Variants in PCDHA5 observed in about 807,000 individuals in gnomAD.
PCDHA5 encodes protocadherin alpha 5.
PCDHA5 carries 43 observed loss-of-function variants against 61.6 expected under a neutral mutation model. The observed-to-expected ratio is 0.70, with a 90% CI of 0.55 to 0.90. PCDHA5 has a LOEUF of 0.90. Ranked by LOEUF, PCDHA5 falls within the 40% of genes least tolerant of loss-of-function variation. The pLI is 0.00. For synonymous variants in PCDHA5, 627 were observed against 543.9 expected, an observed-to-expected ratio of 1.15 and a Z score of -2.13; for missense variants, 1,298 against 1,222.7, an observed-to-expected ratio of 1.06 and a Z score of -0.92.
chr5:140,916,242 T>A (rs1554197354), intron 1 of PCDHA5, among the ~76,000 whole-genome samples: 1 of 152,208 alleles, frequency 6.6e-6, no homozygotes, highest in Non-Finnish European at 1.5e-5. Flanking sequence ...AGCCAAAGCC[T>A]GGACTTGGGG....
intron 1 of PCDHA5, chr5:140,843,167 A>G: frequency 6.3e-7 from 1 of 1,596,098 alleles, no homozygotes; most frequent in Non-Finnish European, 8.6e-7. Context: ...GCCAGCTGCA[A>G]GCAGCCCTCG....
chr5:140,890,594 T>A (rs1439050160), intron 1 of PCDHA5, among the ~76,000 whole-genome samples: 1 of 152,150 alleles, frequency 6.6e-6, no homozygotes, highest in East Asian at 1.9e-4. Context: ...GAAGCCCTTT[T>A]CCGAATAGCT....
intron 1 of PCDHA5, chr5:140,871,636 T>G (rs1311531075): frequency 1.5e-6 from 2 of 1,364,670 alleles, no homozygotes; most frequent in African/African-American, 2.9e-5. Flanking sequence ...TGTCTGTTCA[T>G]AAAATACCAA....
chr5:140,870,132 C>G (rs371110623), intron 1 of PCDHA5: 2 of 1,613,970 alleles, frequency 1.2e-6, no homozygotes, highest in East Asian at 2.2e-5. Flanking sequence ...TGGACACCAA[C>G]GATAACTCTC....
At chr5:140,870,614 C>A (rs782305059) in intron 1 of PCDHA5, 1 of 1,613,212 alleles carries the variant, frequency 6.2e-7, no homozygotes, top group South Asian at 1.1e-5. Flanking sequence ...CGCGCGCTGT[C>A]GAGCTACGTG....
chr5:140,929,646 A>G (rs868995130), intron 1 of PCDHA5: 1 of 365,824 alleles, frequency 2.7e-6, no homozygotes, highest in Non-Finnish European at 5.0e-6. Flanking sequence ...TGTGTAAGGC[A>G]CTCTAATATT....
Position 141,009,631 on chromosome 5 carries a change from A to G in PCDHA5, c.2505A>G (p.Pro835=). 6.2e-7 allele frequency: 1 copy of G among 1,613,068 alleles called. No individual in the cohort carries two copies. The highest frequency in any genetic ancestry group is 8.5e-7 in the Non-Finnish European group (1 of 1,179,354). The change falls in exon 4 of 4, where the codon CCA becomes CCG. Residue 835 remains proline (P), a synonymous_variant. Transcript: ENST00000529859. ...WPTVSSATPE[P]EAGEVSPPVG... is the part of the protein sequence containing the mutation. ...TTGTAATGTTTTGTCTTTCAGAACC[A>G]GAGGCAGGAGAAGTGTCCCCTCCAG...
chr5:140,939,466 AT>A (rs1364092543), intron 1 of PCDHA5, among the ~76,000 whole-genome samples: 31 of 152,168 alleles, frequency 2.0e-4, no homozygotes, highest in African/African-American at 7.5e-4. Flanking sequence ...TAGGCCTAGA[AT>A]TCTCTTCATG....
chr5:140,907,114 G>A (rs1422379312), intron 1 of PCDHA5, among the ~76,000 whole-genome samples: 1 of 152,164 alleles, frequency 6.6e-6, no homozygotes, highest in Non-Finnish European at 1.5e-5. Context: ...TCCACCCCTT[G>A]ATTCCTGGAC....
intron 3 of PCDHA5, among the ~76,000 whole-genome samples, chr5:140,990,610 C>T (rs781969043): frequency 4.6e-5 from 7 of 152,080 alleles, no homozygotes; most frequent in African/African-American, 9.7e-5. Flanking sequence ...AGATGAATAC[C>T]GTAAAGGTCT....
At chr5:140,883,989 G>C (rs1554180956) in intron 1 of PCDHA5, 1 of 1,612,834 alleles carries the variant, frequency 6.2e-7, no homozygotes, top group Non-Finnish European at 8.5e-7. Flanking sequence ...GGCAGCGCGG[G>C]AGGCACAGTG....
intron 1 of PCDHA5, among the ~76,000 whole-genome samples, chr5:140,886,716 C>T (rs1160663504): frequency 1.3e-5 from 2 of 151,034 alleles, no homozygotes; most frequent in Non-Finnish European, 2.9e-5. Flanking sequence ...ATCCCAGCTA[C>T]TTGGGAGGCT....
chr5:140,906,893 GT>G (rs1191460812), intron 1 of PCDHA5, among the ~76,000 whole-genome samples: 7 of 152,170 alleles, frequency 4.6e-5, no homozygotes, highest in Admixed American at 6.5e-5. Context: ...TTCTTAGATT[GT>G]TGGTTTAAAG....
intron 1 of PCDHA5, chr5:140,849,676 C>G (rs2150444871): frequency 1.3e-6 from 2 of 1,598,588 alleles, no homozygotes; most frequent in African/African-American, 2.7e-5. Context: ...CCCCACGTCC[C>G]CTTCAAGCTG....
chr5:140,832,775 G>A (rs1250232820), intron 1 of PCDHA5, among the ~76,000 whole-genome samples: 1 of 152,166 alleles, frequency 6.6e-6, no homozygotes, highest in Non-Finnish European at 1.5e-5. Flanking sequence ...TGTAAGAGGT[G>A]CTAGAAAGGT....
rs139717123 is a variant in PCDHA5, at chr5:140,967,213, G to A, written c.2353-11736G>A. 8 of 1,613,598 alleles carry A rather than the reference G, an allele frequency of 5.0e-6. No individual in the cohort carries two copies. The African/African-American group carries it at 8.0e-5, about 16-fold the overall frequency. On this transcript the variant is annotated intron_variant, in intron 1 of 3. Coordinates refer to ENST00000529859, the MANE Select transcript of PCDHA5 (RefSeq NM_018908.3). ...TCAACGACAACTCACCGCGTTTCCC[G>A]CGGCCCAACTACCAGCTTCAGGTAA...
At chr5:140,944,543 G>C (rs2093667961) in intron 1 of PCDHA5, among the ~76,000 whole-genome samples, 1 of 152,142 alleles carries the variant, frequency 6.6e-6, no homozygotes, top group South Asian at 2.1e-4. Context: ...AGTATTTAAA[G>C]ATCATAGTTT....
intron 1 of PCDHA5, among the ~76,000 whole-genome samples, chr5:140,890,015 T>C (rs553399283): frequency 2.8e-4 from 43 of 152,210 alleles, no homozygotes; most frequent in African/African-American, 1.0e-3. Flanking sequence ...GCCAGAAAAA[T>C]GTAGAAGGCT....
chr5:140,881,456 T>C, intron 1 of PCDHA5: 1 of 690,256 alleles, frequency 1.4e-6, no homozygotes, highest in Non-Finnish European at 1.8e-6. Context: ...TCCAAAACCT[T>C]AGAGCATTGT....
Sources: gnomAD v4.1 joint callset for allele counts (sites outside exome capture counted in the v4.1 genomes callset) on GRCh38, gnomAD v4.1.1 for gene constraint, MANE v1.5 for transcripts, NCBI Gene and HGNC (gene_info 2026-07-23, HGNC 2026-07-21) for gene names.